Variants in BNC2 observed in about 807,000 individuals in gnomAD.
BNC2 encodes zinc finger protein basonuclin-2.
A neutral mutation model predicts 76.3 loss-of-function variants in BNC2; 20 were observed. The observed-to-expected ratio is 0.26, with a 90% confidence interval of 0.18 to 0.38. The LOEUF is 0.38. BNC2 is among the 10% of genes least tolerant of loss of function. The probability of loss-of-function intolerance (pLI) is 1.00; values close to 1 mark genes in which losing one functional copy is unlikely to be tolerated. For synonymous variants in BNC2, 582 were observed against 514.8 expected, an observed-to-expected ratio of 1.13 and a Z score of -1.77; for missense variants, 1,382 against 1,399.8, an observed-to-expected ratio of 0.99 and a Z score of 0.20.
chr9:16,710,585 C>A (rs1823808543), intron 3 of BNC2, among the ~76,000 whole-genome samples: 1 of 152,118 alleles, frequency 6.6e-6, no homozygotes, highest in Admixed American at 6.6e-5. Flanking sequence ...TATATATATG[C>A]ATGTATGCTT....
In BNC2 at chr9:16,781,807, T is replaced by C. The variant is rs188831672; in HGVS notation, c.4-43322A>G. Among the ~76,000 whole-genome samples the C allele has an allele frequency of 3.0e-3, 460 of 152,320 alleles. 2 individuals carry two copies. Among genetic ancestry groups the C allele is most frequent in the African/African-American group, 0.011 (445 of 41,576 alleles). On this transcript the variant is annotated intron_variant, in intron 1 of 6. Coordinates refer to ENST00000380672, the MANE Select transcript of BNC2 (RefSeq NM_017637.6). The stretch of plus-strand genomic sequence containing the variant: ...GCCATTAAAATTGATATTTTACAAA[T>C]ACTTCCAATGATATGAACACAATGT...
chr9:16,636,261 T>C (rs1821322036), intron 3 of BNC2, among the ~76,000 whole-genome samples: 1 of 152,040 alleles, frequency 6.6e-6, no homozygotes, highest in African/African-American at 2.4e-5. Context: ...GGTCTGACCA[T>C]CCATAGTTCA....
intron 4 of BNC2, among the ~76,000 whole-genome samples, chr9:16,556,546 G>T (rs764053845): frequency 1.3e-4 from 20 of 151,760 alleles, no homozygotes; most frequent in Non-Finnish European, 2.1e-4. Context: ...GAGGCGGGTG[G>T]ATCATGAGGT....
intron 2 of BNC2, among the ~76,000 whole-genome samples, chr9:16,729,371 T>C (rs1218022563): frequency 6.6e-6 from 1 of 152,098 alleles, no homozygotes. Flanking sequence ...CCTTCTTAAC[T>C]CAAGAATAAC....
chr9:16,622,698 C>T (rs898408058), intron 3 of BNC2, among the ~76,000 whole-genome samples: 1 of 152,128 alleles, frequency 6.6e-6, no homozygotes, highest in African/African-American at 2.4e-5. Flanking sequence ...ATTCACAAAA[C>T]ACCTCTTCAC....
At chr9:16,539,192 A>G (rs958014658) in intron 5 of BNC2, among the ~76,000 whole-genome samples, 1 of 152,064 alleles carries the variant, frequency 6.6e-6, no homozygotes, top group African/African-American at 2.4e-5. Context: ...AAACAGGGGG[A>G]AAAAAACAAA....
chr9:16,441,844 T>C (rs1821135333), intron 5 of BNC2, among the ~76,000 whole-genome samples: 1 of 152,204 alleles, frequency 6.6e-6, no homozygotes, highest in African/African-American at 2.4e-5. Flanking sequence ...AAATAAACTT[T>C]ACAAAAGTAA....
intron 3 of BNC2, among the ~76,000 whole-genome samples, chr9:16,703,470 T>C (rs1159394551): frequency 1.3e-5 from 2 of 149,224 alleles, no homozygotes; most frequent in Admixed American, 6.8e-5. Flanking sequence ...GAAATAATTA[T>C]TGAAGTGGGT....
chr9:16,527,620 A>G (rs902461100), intron 5 of BNC2, among the ~76,000 whole-genome samples: 7 of 152,204 alleles, frequency 4.6e-5, no homozygotes, highest in African/African-American at 1.7e-4. Context: ...GACAACTGAT[A>G]GGTCAAATCA....
At chr9:16,807,111 A>G (rs1817935148) in intron 1 of BNC2, among the ~76,000 whole-genome samples, 1 of 152,208 alleles carries the variant, frequency 6.6e-6, no homozygotes, top group Admixed American at 6.5e-5. Context: ...AGGCAAAGTT[A>G]TATTTCTCTT....
At chr9:16,470,755 G>C (rs1355413991) in intron 5 of BNC2, among the ~76,000 whole-genome samples, 4 of 152,204 alleles carry the variant, frequency 2.6e-5, no homozygotes, top group Non-Finnish European at 5.9e-5. Context: ...CCTCCGCCTA[G>C]ATTTCAGAAG....
intron 5 of BNC2, among the ~76,000 whole-genome samples, chr9:16,512,083 A>G (rs543686900): frequency 6.6e-6 from 1 of 152,354 alleles, no homozygotes; most frequent in South Asian, 2.1e-4. Context: ...AATCTATTGT[A>G]TACACATGTG....
chr9:16,458,114 A>G (rs1375739596), intron 5 of BNC2, among the ~76,000 whole-genome samples: 1 of 152,152 alleles, frequency 6.6e-6, no homozygotes, highest in African/African-American at 2.4e-5. Flanking sequence ...AAAAAAAAAT[A>G]ACATTACTGA....
intron 5 of BNC2, among the ~76,000 whole-genome samples, chr9:16,507,038 G>A (rs1822644151): frequency 6.6e-6 from 1 of 152,112 alleles, no homozygotes; most frequent in Non-Finnish European, 1.5e-5. Flanking sequence ...ACAGGCATGA[G>A]CCACCAAGCC....
chr9:16,569,333 G>C (rs1039516071), intron 4 of BNC2, among the ~76,000 whole-genome samples: 1 of 151,970 alleles, frequency 6.6e-6, no homozygotes, highest in Non-Finnish European at 1.5e-5. Flanking sequence ...AGGGACAAAA[G>C]TAGTTCCAGT....
chr9:16,449,259 C>A (rs1367753029), intron 5 of BNC2, among the ~76,000 whole-genome samples: 1 of 152,186 alleles, frequency 6.6e-6, no homozygotes, highest in East Asian at 1.9e-4. Flanking sequence ...TGGAGAGCTG[C>A]AAACGTGCCA....
chr9:16,434,879 T>C (rs1396677484), intron 6 of BNC2: 1 of 461,042 alleles, frequency 2.2e-6, no homozygotes, highest in South Asian at 1.5e-5. Context: ...TCAAAGACAT[T>C]ATGAAGTTAA....
intron 3 of BNC2, among the ~76,000 whole-genome samples, chr9:16,710,409 A>C (rs1380129595): frequency 1.3e-5 from 2 of 152,254 alleles, no homozygotes; most frequent in South Asian, 2.1e-4. Flanking sequence ...CAAAGGGCTA[A>C]AATATCCAAA....
chr9:16,832,105 A>C (rs1818589568), intron 1 of BNC2: 1 of 225,596 alleles, frequency 4.4e-6, no homozygotes, highest in Non-Finnish European at 8.7e-6. Flanking sequence ...GCTGGCTATG[A>C]GTAAAATACT....
Sources: allele counts gnomAD v4.1 joint callset (sites outside exome capture counted in the v4.1 genomes callset), GRCh38; gene constraint gnomAD v4.1.1; transcripts MANE v1.5; gene names NCBI Gene and HGNC (gene_info 2026-07-23, HGNC 2026-07-21).